PRTFDC1: variants seen among roughly 807,000 people sequenced by gnomAD.
The protein encoded by PRTFDC1 is phosphoribosyltransferase domain-containing protein 1.
PRTFDC1 carries 38 observed loss-of-function variants against 34.6 expected under a neutral mutation model. That is an observed-to-expected ratio of 1.10 (90% CI 0.85 to 1.44). PRTFDC1 has a LOEUF of 1.44. PRTFDC1 is among the 40% of genes most tolerant of loss of function. The pLI is 0.00. For missense variants in PRTFDC1, 270 were observed against 283.0 expected (o/e 0.95, Z 0.33); for synonymous variants, 93 against 98.1 (o/e 0.95, Z 0.31).
intron 3 of PRTFDC1, among the ~76,000 whole-genome samples, chr10:24,879,407 G>C (rs574770213): frequency 6.6e-6 from 1 of 151,564 alleles, no homozygotes; most frequent in African/African-American, 2.4e-5. Flanking sequence ...GCAGTGGTGC[G>C]ACCTTGGCTC....
intron 3 of PRTFDC1, among the ~76,000 whole-genome samples, chr10:24,918,228 C>T (rs1052919541): frequency 4.6e-5 from 7 of 152,102 alleles, no homozygotes; most frequent in Non-Finnish European, 7.4e-5. Flanking sequence ...TCATTGCAGG[C>T]ACTTGGGTCC....
At chr10:24,870,794 A>G (rs1332406204) in intron 4 of PRTFDC1, among the ~76,000 whole-genome samples, 1 of 152,030 alleles carries the variant, frequency 6.6e-6, no homozygotes, top group Non-Finnish European at 1.5e-5. Context: ...AGGGAAGTGC[A>G]CTGTTTTGTA....
chr10:24,952,572 C>A lies in PRTFDC1; in HGVS notation c.4G>T (p.Ala2Ser). The A allele has an allele frequency of 6.3e-7, 1 of 1,588,850 alleles. No individual in the cohort carries two copies. The highest frequency in any genetic ancestry group is 2.3e-5 in the East Asian group (1 of 43,872). Residue 2 changes from alanine to serine, a missense_variant, in exon 1 of 9, where the codon GCC (alanine) becomes TCC (serine). Ala to Ser is a moderately conservative substitution (Grantham distance 99). Coordinates refer to ENST00000320152, the MANE Select transcript of PRTFDC1 (RefSeq NM_020200.7). This position sits in a 1 kb window ranked among gnomAD's most constrained non-coding sequence, Gnocchi z 5.1. M[A>S]GSSEEAPDYG... ...TCTGGCGCCTCCTCGCTGCTCCCGG[C>A]CATGTTTCTCCCGGGGAACGCGGGA...
At chr10:24,882,032 C>A (rs922086223) in intron 3 of PRTFDC1, among the ~76,000 whole-genome samples, 4 of 151,872 alleles carry the variant, frequency 2.6e-5, no homozygotes, top group African/African-American at 7.3e-5. Context: ...CACGGTAAAA[C>A]CCTGTCTCTA....
In PRTFDC1 at chr10:24,951,460, A is replaced by G. The variant is rs986619711; in HGVS notation, c.48+1068T>C. 3 of 654,948 alleles carry G rather than the reference A, an allele frequency of 4.6e-6. No homozygotes were observed. In the African/African-American group the frequency reaches 5.9e-5, roughly 13 times the overall value. 40.6% of individuals were successfully genotyped at this position (654,948 alleles called of 1,614,324 possible). A position where few individuals can be genotyped will look rare whatever the true frequency, so the allele number is the denominator to read the frequency against. ...CAACTCCTCATCCTTTCAGAAGGAA[A>G]GGTCCTGCTGTTAAATTAAGCACTG... On this transcript the variant is annotated intron_variant, in intron 1 of 8. Coordinates refer to ENST00000320152, the MANE Select transcript of PRTFDC1 (RefSeq NM_020200.7).
intron 3 of PRTFDC1, among the ~76,000 whole-genome samples, chr10:24,883,903 C>T (rs1318049015): frequency 2.0e-5 from 3 of 146,382 alleles, no homozygotes; most frequent in Non-Finnish European, 4.5e-5. Context: ...TGGCTCACTG[C>T]AACCTTTGTC....
chr10:24,916,994 G>A (rs1315409669), intron 3 of PRTFDC1, among the ~76,000 whole-genome samples: 1 of 152,030 alleles, frequency 6.6e-6, no homozygotes, highest in Non-Finnish European at 1.5e-5. Context: ...TAGATCCTCA[G>A]CTCAATGGTG....
chr10:24,916,697 C>A (rs1002194084), intron 3 of PRTFDC1, among the ~76,000 whole-genome samples: 2 of 152,190 alleles, frequency 1.3e-5, no homozygotes, highest in Non-Finnish European at 2.9e-5. Context: ...ACAACCCCTC[C>A]AGCCTACTCT....
intron 3 of PRTFDC1, among the ~76,000 whole-genome samples, chr10:24,921,156 C>A (rs562873580): frequency 6.6e-6 from 1 of 152,078 alleles, no homozygotes; most frequent in African/African-American, 2.4e-5. Context: ...GATCAGGGCT[C>A]AGATATCGCT....
chr10:24,950,299 A>AT (rs939689363), intron 1 of PRTFDC1, among the ~76,000 whole-genome samples: 6 of 151,610 alleles, frequency 4.0e-5, no homozygotes, highest in African/African-American at 1.5e-4. Flanking sequence ...CCAATTTCAG[A>AT]TTTTTTTTCC....
intron 7 of PRTFDC1, among the ~76,000 whole-genome samples, chr10:24,853,590 G>A (rs1241152955): frequency 2.6e-5 from 4 of 152,052 alleles, no homozygotes; most frequent in Non-Finnish European, 5.9e-5. Flanking sequence ...GACAGAGTCA[G>A]ATTCCGTCTC....
chr10:24,884,749 T>C (rs1023213906), intron 3 of PRTFDC1, among the ~76,000 whole-genome samples: 3 of 152,194 alleles, frequency 2.0e-5, no homozygotes, highest in Non-Finnish European at 4.4e-5. Context: ...ACAGCCTACC[T>C]GGGGAAACAG....
chr10:24,897,368 A>T (rs1051155389), intron 3 of PRTFDC1, among the ~76,000 whole-genome samples: 5 of 152,160 alleles, frequency 3.3e-5, no homozygotes, highest in Non-Finnish European at 2.9e-5. Context: ...AAACAAAATA[A>T]AAAGGTACTC....
At chr10:24,870,232 C>T (rs1847850283) in intron 4 of PRTFDC1, among the ~76,000 whole-genome samples, 2 of 152,170 alleles carry the variant, frequency 1.3e-5, no homozygotes, top group African/African-American at 2.4e-5. Context: ...CTCAGCCTCC[C>T]AAGTAGCTGG....
At chr10:24,870,797 G>C (rs761567194) in intron 4 of PRTFDC1, among the ~76,000 whole-genome samples, 1 of 152,086 alleles carries the variant, frequency 6.6e-6, no homozygotes, top group African/African-American at 2.4e-5. Context: ...GAAGTGCACT[G>C]TTTTGTAGTC....
At chr10:24,949,933 G>A (rs914624253) in intron 1 of PRTFDC1, among the ~76,000 whole-genome samples, 22 of 151,752 alleles carry the variant, frequency 1.4e-4, no homozygotes, top group Non-Finnish European at 3.2e-4. Flanking sequence ...AAGGTTTTAC[G>A]ATGTTGGTCA....
At chr10:24,856,321 TC>T (rs1372415383) in intron 6 of PRTFDC1, among the ~76,000 whole-genome samples, 1 of 148,636 alleles carries the variant, frequency 6.7e-6, no homozygotes, top group African/African-American at 2.5e-5. Context: ...GTGCAGTGGC[TC>T]GTGCCTGTAA....
intron 3 of PRTFDC1, among the ~76,000 whole-genome samples, chr10:24,930,368 A>G (rs955692680): frequency 1.3e-5 from 2 of 152,178 alleles, no homozygotes; most frequent in Non-Finnish European, 2.9e-5. Flanking sequence ...ACCCAGTGTT[A>G]ATATTCATTT....
chr10:24,934,235 G>A (rs2132603278), intron 3 of PRTFDC1, among the ~76,000 whole-genome samples: 1 of 120,294 alleles, frequency 8.3e-6, no homozygotes, highest in East Asian at 2.2e-4. Context: ...AGAAGAAGAA[G>A]AAGAAGAAGA....
Sources: allele counts gnomAD v4.1 joint callset (sites outside exome capture counted in the v4.1 genomes callset), GRCh38; gene constraint gnomAD v4.1.1; non-coding constraint Gnocchi (gnomAD v3.1); transcripts MANE v1.5; gene names NCBI Gene and HGNC (gene_info 2026-07-23, HGNC 2026-07-21).